LINGO2: variants seen among roughly 807,000 people sequenced by gnomAD.
The protein encoded by LINGO2 is leucine rich repeat and Ig domain containing 2, also known as leucine-rich repeat and immunoglobulin-like domain-containing nogo receptor-interacting protein 2.
In LINGO2, 14 loss-of-function variants were observed where a neutral mutation model predicts 30.6. The observed-to-expected ratio is 0.46, with a 90% CI of 0.30 to 0.72. The LOEUF (loss-of-function observed/expected upper bound fraction) is 0.72. LINGO2 is among the 30% of genes least tolerant of loss of function. LINGO2 has a pLI of 0.07. For synonymous variants in LINGO2, 317 were observed against 288.5 expected, an observed-to-expected ratio of 1.10 and a Z score of -1.00; for missense variants, 729 against 751.7, an observed-to-expected ratio of 0.97 and a Z score of 0.35.
intron 4 of LINGO2, among the ~76,000 whole-genome samples, chr9:28,232,510 G>A (rs1418775775): frequency 6.7e-6 from 1 of 149,596 alleles, no homozygotes; most frequent in East Asian, 2.0e-4. Context: ...TATATTTACT[G>A]TATACAATAT....
At chr9:28,872,253 T>G in the LINGO2 span, among the ~76,000 whole-genome samples, 1 of 152,178 alleles carries the variant, frequency 6.6e-6, no homozygotes, top group East Asian at 1.9e-4. Flanking sequence ...GACTGATCCA[T>G]GAAATGTGTC....
the LINGO2 span, among the ~76,000 whole-genome samples, chr9:28,965,552 C>T: frequency 6.6e-6 from 1 of 151,922 alleles, no homozygotes. Flanking sequence ...TATTCTGCTT[C>T]CTGAGAAAAG....
chr9:28,953,002 C>T, the LINGO2 span, among the ~76,000 whole-genome samples: 4 of 152,122 alleles, frequency 2.6e-5, no homozygotes, highest in African/African-American at 9.7e-5. Context: ...CATAGAATAA[C>T]TCTCCAAATG....
intron 1 of LINGO2, among the ~76,000 whole-genome samples, chr9:28,638,108 T>C (rs970473128): frequency 1.3e-5 from 2 of 152,196 alleles, no homozygotes; most frequent in African/African-American, 4.8e-5. Context: ...GTTCTGTATA[T>C]ATACTGGATT....
At chr9:28,051,431 TTTA>T in intron 4 of LINGO2, among the ~76,000 whole-genome samples, 1 of 152,266 alleles carries the variant, frequency 6.6e-6, no homozygotes, top group Middle Eastern at 3.4e-3. Context: ...ACAACTTTCA[TTTA>T]TTGACTACTT....
intron 4 of LINGO2, among the ~76,000 whole-genome samples, chr9:28,099,066 A>T (rs984102657): frequency 6.6e-6 from 1 of 152,184 alleles, no homozygotes; most frequent in Non-Finnish European, 1.5e-5. Context: ...TGCTAATAGC[A>T]TAGAAAGACT....
At chr9:28,065,406 G>A (rs1365170672) in intron 4 of LINGO2, among the ~76,000 whole-genome samples, 1 of 142,546 alleles carries the variant, frequency 7.0e-6, no homozygotes, top group Non-Finnish European at 1.5e-5. Context: ...TTGTGAATAA[G>A]AGGGTGGGGG....
upstream of LINGO2, among the ~76,000 whole-genome samples, chr9:28,672,221 A>G (rs1829046405): frequency 6.6e-6 from 1 of 151,946 alleles, no homozygotes; most frequent in African/African-American, 2.4e-5. Flanking sequence ...AGGCAGAAAA[A>G]CCCTAAAACA....
chr9:27,995,937 T>A (rs1821638488), intron 5 of LINGO2, among the ~76,000 whole-genome samples: 1 of 152,096 alleles, frequency 6.6e-6, no homozygotes, highest in African/African-American at 2.4e-5. Context: ...CTGCAAATGA[T>A]ATGACCTTAC....
intron 5 of LINGO2, among the ~76,000 whole-genome samples, chr9:27,994,712 T>A (rs1343570670): frequency 6.6e-6 from 1 of 152,148 alleles, no homozygotes; most frequent in Admixed American, 6.6e-5. Context: ...CCCACGCATG[T>A]GCACCAATTA....
At chr9:28,566,124 T>C (rs1158840727) in intron 1 of LINGO2, among the ~76,000 whole-genome samples, 1 of 152,164 alleles carries the variant, frequency 6.6e-6, no homozygotes, top group Non-Finnish European at 1.5e-5. Flanking sequence ...CTGGCTTTAA[T>C]GGTATTAACT....
chr9:29,117,928 G>A, the LINGO2 span, among the ~76,000 whole-genome samples: 287 of 152,292 alleles, frequency 1.9e-3, 1 homozygote, highest in African/African-American at 6.5e-3. Flanking sequence ...CAAGCGTACT[G>A]GAATGAACTA....
the LINGO2 span, among the ~76,000 whole-genome samples, chr9:29,141,424 A>C: frequency 1.2e-3 from 175 of 152,010 alleles, no homozygotes; most frequent in African/African-American, 4.1e-3. Flanking sequence ...TACACTAAAG[A>C]AAAAATAAGA....
chr9:28,449,835 A>C (rs73644046), intron 2 of LINGO2, among the ~76,000 whole-genome samples: 3,343 of 152,148 alleles, frequency 0.022, 128 homozygotes, highest in African/African-American at 0.074. Context: ...TGGTGACACC[A>C]TCCACTGAGA....
At chr9:28,419,386 T>C (rs1425580595) in intron 2 of LINGO2, among the ~76,000 whole-genome samples, 4 of 152,248 alleles carry the variant, frequency 2.6e-5, no homozygotes, top group African/African-American at 9.6e-5. Flanking sequence ...GCAATACTAA[T>C]CTATATTTAG....
At chr9:28,582,479 A>G (rs577215778) in intron 1 of LINGO2, among the ~76,000 whole-genome samples, 5 of 151,980 alleles carry the variant, frequency 3.3e-5, no homozygotes, top group African/African-American at 4.8e-5. Context: ...AAAAATCTCA[A>G]CCTTCTGAAA....
chr9:29,192,809 G>A, the LINGO2 span, among the ~76,000 whole-genome samples: 139 of 152,282 alleles, frequency 9.1e-4, no homozygotes, highest in East Asian at 4.8e-3. Context: ...TCAGGGCATA[G>A]TCCCATGGTT....
chr9:28,298,700 T>A (rs950694355), intron 3 of LINGO2, among the ~76,000 whole-genome samples: 19 of 143,506 alleles, frequency 1.3e-4, no homozygotes, highest in Admixed American at 1.3e-3. Context: ...AAAAAAAAAA[T>A]CAGAATGAAT....
the LINGO2 span, among the ~76,000 whole-genome samples, chr9:29,179,555 C>A: frequency 6.6e-6 from 1 of 152,034 alleles, no homozygotes; most frequent in African/African-American, 2.4e-5. Flanking sequence ...CACATGTGTG[C>A]CACCATGTCT....
Sources: gnomAD v4.1 joint callset for allele counts (sites outside exome capture counted in the v4.1 genomes callset) on GRCh38, gnomAD v4.1.1 for gene constraint, MANE v1.5 for transcripts, NCBI Gene and HGNC (gene_info 2026-07-23, HGNC 2026-07-21) for gene names.